AFF3: variants seen among roughly 807,000 people sequenced by gnomAD.
AFF3 encodes the protein AF4/FMR2 family member 3.
A neutral mutation model predicts 129.7 loss-of-function variants in AFF3; 32 were observed. That is an observed-to-expected ratio of 0.25 (90% confidence interval 0.19 to 0.33). The LOEUF is 0.33. Ranked by LOEUF, AFF3 falls within the 10% of genes least tolerant of loss-of-function variation. AFF3 has a pLI of 1.00. For missense variants in AFF3, 1,373 were observed against 1,592.0 expected, an observed-to-expected ratio of 0.86 and a Z score of 2.34; for synonymous variants, 644 against 635.4, an observed-to-expected ratio of 1.01 and a Z score of -0.20.
intron 4 of AFF3, among the ~76,000 whole-genome samples, chr2:100,046,667 A>G (rs745388436): frequency 5.9e-5 from 9 of 152,192 alleles, no homozygotes; most frequent in Non-Finnish European, 1.3e-4. Context: ...ATCAAGATTT[A>G]TTTTAGATAA....
chr2:99,847,910 C>A (rs1002087839), intron 7 of AFF3, among the ~76,000 whole-genome samples: 7 of 152,094 alleles, frequency 4.6e-5, no homozygotes, highest in Non-Finnish European at 1.0e-4. Context: ...GACGCCCACA[C>A]TATTATTATA....
At chr2:99,776,470 T>G (rs777501973) in intron 8 of AFF3, among the ~76,000 whole-genome samples, 3 of 152,236 alleles carry the variant, frequency 2.0e-5, no homozygotes, top group Non-Finnish European at 4.4e-5. Context: ...TGAAGAATTT[T>G]TAACACTAAT....
intron 7 of AFF3, among the ~76,000 whole-genome samples, chr2:99,867,751 A>C (rs1194606963): frequency 6.6e-6 from 1 of 152,084 alleles, no homozygotes; most frequent in Non-Finnish European, 1.5e-5. Context: ...GGAGGGGCTC[A>C]CCATCTCTTC....
At chr2:99,847,408 T>C (rs1052891986) in intron 7 of AFF3, among the ~76,000 whole-genome samples, 4 of 152,014 alleles carry the variant, frequency 2.6e-5, no homozygotes, top group African/African-American at 9.7e-5. Flanking sequence ...ACTCCTGACC[T>C]TTAGTTCGTG....
At chr2:99,850,433 T>G (rs1690060868) in intron 7 of AFF3, among the ~76,000 whole-genome samples, 1 of 152,152 alleles carries the variant, frequency 6.6e-6, no homozygotes, top group African/African-American at 2.4e-5. Flanking sequence ...TAAAGGACAT[T>G]GTTATTAATG....
At chr2:99,732,864 G>A (rs1679945176) in intron 10 of AFF3, among the ~76,000 whole-genome samples, 1 of 150,392 alleles carries the variant, frequency 6.6e-6, no homozygotes, top group South Asian at 2.1e-4. Flanking sequence ...TATGATCAAG[G>A]TTTTAAAGTT....
chr2:99,788,263 C>T (rs1684951306), intron 8 of AFF3, among the ~76,000 whole-genome samples: 1 of 152,068 alleles, frequency 6.6e-6, no homozygotes. Context: ...AACTGTAAAA[C>T]AGCTTCAAGC....
chr2:99,864,035 T>C lies in AFF3; in HGVS notation c.874-26511A>G, dbSNP rs376265146. ...AAAAGGAAGTCAAGAAAGTCCATCG[T>C]TGCCACAGAGTCCTGAGCAATAATT... On this transcript the variant is annotated intron_variant, in intron 7 of 24. Coordinates refer to ENST00000672756, the MANE Select transcript of AFF3 (RefSeq NM_001386135.1). Among the ~76,000 whole-genome samples, 40 of 152,304 alleles carry C rather than the reference T, an allele frequency of 2.6e-4. No homozygotes were observed. In the South Asian group the frequency reaches 7.7e-3, roughly 29 times the overall value.
At chr2:99,689,656 CAAAAAAAAAAAAA>C (rs60965683) in intron 11 of AFF3, among the ~76,000 whole-genome samples, 1 of 57,286 alleles carries the variant, frequency 1.7e-5, no homozygotes, top group Non-Finnish European at 3.0e-5. Context: ...TATTTAATTG[CAAAAAAAAAAAAA>C]AAAAAAAAAA....
chr2:99,716,922 T>G (rs1678457122), intron 11 of AFF3, among the ~76,000 whole-genome samples: 1 of 151,828 alleles, frequency 6.6e-6, no homozygotes, highest in African/African-American at 2.4e-5. Flanking sequence ...TCATGGCAAC[T>G]CCCAATCAAT....
chr2:99,859,531 C>T (rs1690811343), intron 7 of AFF3, among the ~76,000 whole-genome samples: 1 of 152,190 alleles, frequency 6.6e-6, no homozygotes, highest in Non-Finnish European at 1.5e-5. Flanking sequence ...TAACCAGATC[C>T]TAAGCCAATA....
At chr2:99,780,911 C>A (rs1383604572) in intron 8 of AFF3, among the ~76,000 whole-genome samples, 1 of 152,142 alleles carries the variant, frequency 6.6e-6, no homozygotes, top group Non-Finnish European at 1.5e-5. Context: ...CCCTTGTTCC[C>A]TGACAAGCCT....
chr2:100,105,304 T>C, intron 3 of AFF3, 200 bp downstream of exon 3: 1 of 1,191,858 alleles, frequency 8.4e-7, no homozygotes, highest in Non-Finnish European at 1.1e-6. Context: ...GAGAGTGAGC[T>C]GTGCCGCCCG....
At chr2:99,585,945 G>T (rs1678070073) in intron 16 of AFF3, among the ~76,000 whole-genome samples, 2 of 152,012 alleles carry the variant, frequency 1.3e-5, no homozygotes, top group African/African-American at 4.8e-5. Context: ...TGGCCAGGCT[G>T]GTCTTGAACT....
rs71252505 is a variant in AFF3 at position 99,551,153 on chromosome 2, GGTGTGTGT to G, written c.*313_*320del. The G allele has an allele frequency of 2.4e-3, 1,062 of 437,798 alleles. 1 individual carries two copies. Among genetic ancestry groups the G allele is most frequent in the Non-Finnish European group, 3.4e-3 (846 of 246,806 alleles). The allele number at this position is 437,798 out of a possible 1,614,324, so 27.1% of individuals were successfully genotyped here. A position where few individuals can be genotyped will look rare whatever the true frequency, so the allele number is the denominator to read the frequency against. The stretch of plus-strand genomic sequence containing the variant: ...TGTCTGTGATTGTGTGTGAGTGTAC[GGTGTGTGT>G]GTGTGTGTGTGTGTGTGTGTGTACT... On this transcript the variant is annotated 3_prime_UTR_variant, in exon 25 of 25. Coordinates refer to ENST00000672756, the MANE Select transcript of AFF3 (RefSeq NM_001386135.1).
intron 7 of AFF3, among the ~76,000 whole-genome samples, chr2:99,972,935 C>T (rs111799970): frequency 7.2e-5 from 11 of 152,252 alleles, no homozygotes; most frequent in African/African-American, 2.6e-4. Context: ...AAACCTGGCA[C>T]CAGCAAAACA....
At position 99,552,797 on chromosome 2, in the gene AFF3, G is replaced by A. The variant is rs1674527467; in HGVS notation, c.3560-1202C>T. Reference sequence around the variant, plus strand: ...GGAGACATCTAGCAGGCAGCTGGCAGTGCCATCTGGAGCTTGGCCTGCTCA... The same window carrying A: ...GGAGACATCTAGCAGGCAGCTGGCAATGCCATCTGGAGCTTGGCCTGCTCA... On this transcript the variant is annotated intron_variant, in intron 24 of 24. Coordinates refer to ENST00000672756, the MANE Select transcript of AFF3 (RefSeq NM_001386135.1). Among the ~76,000 whole-genome samples, 3 of 152,206 alleles carry A rather than the reference G, an allele frequency of 2.0e-5. No individual in the cohort carries two copies. The South Asian group carries it at 6.2e-4, about 31-fold the overall frequency.
chr2:99,877,143 G>A lies in AFF3; in HGVS notation c.874-39619C>T, dbSNP rs10174415. On this transcript the variant is annotated intron_variant, in intron 7 of 24. Coordinates refer to ENST00000672756, the MANE Select transcript of AFF3 (RefSeq NM_001386135.1). ...GAAATTCCTGTCTCCCACCATTCTT[G>A]GGAAACATTCCTTAAGGACAATCAT... Among the ~76,000 whole-genome samples the A allele has an allele frequency of 2.7e-3, 404 of 152,260 alleles. 2 individuals carry two copies. Among genetic ancestry groups the A allele is most frequent in the African/African-American group, 9.4e-3 (389 of 41,564 alleles).
intron 4 of AFF3, among the ~76,000 whole-genome samples, chr2:100,075,765 T>C (rs1168774680): frequency 6.6e-6 from 1 of 152,240 alleles, no homozygotes; most frequent in Non-Finnish European, 1.5e-5. Flanking sequence ...ATGTCTCAAG[T>C]GATGGCAAAC....
Sources: allele counts gnomAD v4.1 joint callset (sites outside exome capture counted in the v4.1 genomes callset), GRCh38; gene constraint gnomAD v4.1.1; transcripts MANE v1.5; gene names NCBI Gene and HGNC (gene_info 2026-07-23, HGNC 2026-07-21).